FHIT: variants seen among roughly 807,000 people sequenced by gnomAD.
FHIT encodes the protein fragile histidine triad diadenosine triphosphatase.
Under a neutral mutation model 17.9 loss-of-function variants are expected in FHIT, and 19 were observed. The ratio of observed to expected loss-of-function variants is 1.06; its 90% CI spans 0.74 to 1.56. The LOEUF (loss-of-function observed/expected upper bound fraction) is 1.56. Ranked by LOEUF, FHIT falls within the 40% of genes most tolerant of loss-of-function variation. FHIT has a pLI of 0.00. For missense variants in FHIT, 248 were observed against 189.2 expected (o/e 1.31, Z -1.82); for synonymous variants, 81 against 69.7 (o/e 1.16, Z -0.81).
At chr3:61,234,016 A>G (rs1403540606) in intron 1 of FHIT, among the ~76,000 whole-genome samples, 4 of 152,254 alleles carry the variant, frequency 2.6e-5, no homozygotes, top group East Asian at 1.9e-4. Flanking sequence ...ATAGTAACCT[A>G]TTAAATAATA....
At chr3:60,415,969 C>G (rs372960550) in intron 5 of FHIT, among the ~76,000 whole-genome samples, 5 of 148,944 alleles carry the variant, frequency 3.4e-5, no homozygotes, top group African/African-American at 1.2e-4. Context: ...TATATAATAG[C>G]TTACATATTT....
intron 3 of FHIT, among the ~76,000 whole-genome samples, chr3:60,937,587 G>A (rs1708247405): frequency 1.0e-5 from 1 of 95,868 alleles, no homozygotes. Flanking sequence ...TTTTTGAGAT[G>A]GAGTCTCACT....
chr3:60,371,319 C>T (rs903792027), intron 5 of FHIT, among the ~76,000 whole-genome samples: 1 of 151,996 alleles, frequency 6.6e-6, no homozygotes, highest in African/African-American at 2.4e-5. Context: ...AAATATTCAT[C>T]TTTTTTATGC....
At chr3:60,245,837 T>C (rs573215477) in intron 5 of FHIT, among the ~76,000 whole-genome samples, 26 of 152,148 alleles carry the variant, frequency 1.7e-4, no homozygotes, top group African/African-American at 6.3e-4. Context: ...AGTGAACAAT[T>C]ATCTGGGCAT....
chr3:60,280,327 T>A (rs1366381362), intron 5 of FHIT, among the ~76,000 whole-genome samples: 2 of 152,186 alleles, frequency 1.3e-5, no homozygotes, highest in East Asian at 3.9e-4. Context: ...GTAGGCTGAC[T>A]AATGATCTCC....
chr3:59,885,154 T>C (rs1316141404), intron 8 of FHIT, among the ~76,000 whole-genome samples: 2 of 152,240 alleles, frequency 1.3e-5, no homozygotes, highest in East Asian at 3.8e-4. Flanking sequence ...ATCAGTTTGC[T>C]ATTAGGATCA....
intron 8 of FHIT, among the ~76,000 whole-genome samples, chr3:59,775,785 T>G (rs1300325755): frequency 6.6e-6 from 1 of 152,160 alleles, no homozygotes; most frequent in East Asian, 1.9e-4. Flanking sequence ...GCATAATTCT[T>G]AAAGGTCTGA....
intron 8 of FHIT, among the ~76,000 whole-genome samples, chr3:59,838,974 C>T (rs1701433185): frequency 1.3e-5 from 2 of 151,760 alleles, no homozygotes; most frequent in Non-Finnish European, 2.9e-5. Context: ...GTGACCTTTA[C>T]TTAGGAAAAA....
intron 3 of FHIT, among the ~76,000 whole-genome samples, chr3:60,862,584 TCACGCCTGTAATAC>T (rs782102525): frequency 2.6e-5 from 4 of 152,096 alleles, no homozygotes; most frequent in Non-Finnish European, 4.4e-5. Context: ...GCATGGTGGC[TCACGCCTGTAATAC>T]CAGCACTTTG....
At chr3:60,353,042 G>C (rs756294001) in intron 5 of FHIT, among the ~76,000 whole-genome samples, 7 of 152,154 alleles carry the variant, frequency 4.6e-5, no homozygotes, top group Non-Finnish European at 5.9e-5. Context: ...TTGGAGATCA[G>C]TTCTTAACAT....
chr3:61,244,906 TA>T (rs2040453751), intron 1 of FHIT, among the ~76,000 whole-genome samples: 4 of 152,278 alleles, frequency 2.6e-5, no homozygotes, highest in African/African-American at 9.6e-5. Context: ...AAACTTACGT[TA>T]AATAAATCTG....
chr3:61,037,737 A>C (rs2033326353), intron 3 of FHIT, among the ~76,000 whole-genome samples: 2 of 152,208 alleles, frequency 1.3e-5, no homozygotes, highest in Non-Finnish European at 2.9e-5. Flanking sequence ...TCATGTGTGC[A>C]TGTCTTTTAT....
chr3:60,681,529 T>A (rs907464300), intron 4 of FHIT, among the ~76,000 whole-genome samples: 4 of 152,160 alleles, frequency 2.6e-5, no homozygotes, highest in Non-Finnish European at 5.9e-5. Context: ...GAGGAAGGCA[T>A]GTCAAAAGCT....
intron 5 of FHIT, among the ~76,000 whole-genome samples, chr3:60,161,435 T>G (rs1357541976): frequency 2.0e-5 from 3 of 152,202 alleles, no homozygotes; most frequent in African/African-American, 7.2e-5. Context: ...GGGTATTTCA[T>G]GTGCACAATT....
chr3:61,070,470 C>G (rs142771179), intron 2 of FHIT, among the ~76,000 whole-genome samples: 4 of 152,266 alleles, frequency 2.6e-5, no homozygotes, highest in African/African-American at 4.8e-5. Flanking sequence ...AAAAGACCCC[C>G]GTGGAAATGG....
chr3:59,783,838 G>A (rs1435562604), intron 8 of FHIT, among the ~76,000 whole-genome samples: 1 of 152,120 alleles, frequency 6.6e-6, no homozygotes, highest in Non-Finnish European at 1.5e-5. Flanking sequence ...GAAAGTGATG[G>A]GGGAAACTGA....
chr3:60,254,456 G>A (rs1423776067), intron 5 of FHIT, among the ~76,000 whole-genome samples: 1 of 152,042 alleles, frequency 6.6e-6, no homozygotes, highest in Non-Finnish European at 1.5e-5. Flanking sequence ...ACAAGAAGGT[G>A]GTGGCAGGAA....
intron 8 of FHIT, among the ~76,000 whole-genome samples, chr3:59,842,382 G>A (rs561363925): frequency 4.1e-4 from 62 of 152,272 alleles, no homozygotes; most frequent in East Asian, 1.7e-3. Context: ...GAACATGGGC[G>A]TACAAACATC....
intron 8 of FHIT, among the ~76,000 whole-genome samples, chr3:59,806,682 A>ATGTATATACATATGTATATATG (rs1263566950): frequency 1.3e-4 from 1 of 7,990 alleles, no homozygotes; most frequent in Non-Finnish European, 3.6e-4. Flanking sequence ...GTGTATATAT[A>ATGTATATACATATGTATATATG]TGTATATACA....
Sources: allele counts gnomAD v4.1 joint callset (sites outside exome capture counted in the v4.1 genomes callset), GRCh38; gene constraint gnomAD v4.1.1; transcripts MANE v1.5; gene names NCBI Gene and HGNC (gene_info 2026-07-23, HGNC 2026-07-21).